ZMIZ1: variants seen among roughly 807,000 people sequenced by gnomAD.
ZMIZ1 encodes zinc finger MIZ domain-containing protein 1.
Under a neutral mutation model 113.9 loss-of-function variants are expected in ZMIZ1, and 17 were observed. That is an observed-to-expected ratio of 0.15 (90% CI 0.10 to 0.22). ZMIZ1 has a LOEUF of 0.22. Ranked by LOEUF, ZMIZ1 falls within the 10% of genes least tolerant of loss-of-function variation. The pLI is 1.00. For synonymous variants in ZMIZ1, 607 were observed against 603.1 expected (o/e 1.01, Z -0.09); for missense variants, 1,059 against 1,477.8 (o/e 0.72, Z 4.65).
chr10:79,302,818 C>G (rs1040015366), intron 18 of ZMIZ1, among the ~76,000 whole-genome samples: 2 of 149,750 alleles, frequency 1.3e-5, no homozygotes, highest in African/African-American at 4.9e-5. Context: ...CTCAGCCTCC[C>G]AAGGAGTTGG....
chr10:79,178,809 G>C (rs1334683269), intron 4 of ZMIZ1, among the ~76,000 whole-genome samples: 1 of 152,168 alleles, frequency 6.6e-6, no homozygotes, highest in Non-Finnish European at 1.5e-5. Context: ...GGTTTTCTGC[G>C]TGAGTGCTTT....
intron 7 of ZMIZ1, 39 bp from the exon 8 acceptor site, chr10:79,277,142 A>T (rs1852346784): frequency 6.8e-7 from 1 of 1,466,978 alleles, no homozygotes; most frequent in Admixed American, 2.6e-5. Flanking sequence ...GCAGAGCATG[A>T]TGAACAAGCA....
intron 8 of ZMIZ1, among the ~76,000 whole-genome samples, chr10:79,283,392 G>A (rs1852862544): frequency 6.6e-6 from 1 of 152,208 alleles, no homozygotes; most frequent in African/African-American, 2.4e-5. Context: ...TGACAACAGT[G>A]GCAGGAGTGG....
chr10:79,100,396 A>G (rs1042094324), intron 1 of ZMIZ1, among the ~76,000 whole-genome samples: 42 of 150,310 alleles, frequency 2.8e-4, no homozygotes, highest in Non-Finnish European at 4.9e-4. Context: ...GCTAGAGCCC[A>G]GGAATTCAAG....
intron 7 of ZMIZ1, among the ~76,000 whole-genome samples, chr10:79,234,071 C>A (rs992748322): frequency 3.3e-5 from 5 of 152,190 alleles, no homozygotes; most frequent in African/African-American, 1.2e-4. Context: ...GAATGCCAAT[C>A]TAAGGAGCTT....
At chr10:79,241,323 T>C (rs1398617778) in intron 7 of ZMIZ1, among the ~76,000 whole-genome samples, 4 of 152,172 alleles carry the variant, frequency 2.6e-5, no homozygotes, top group East Asian at 3.9e-4. Context: ...GAGTCTTCAC[T>C]GGACCCCTGC....
chr10:79,146,772 C>T (rs936657098), intron 3 of ZMIZ1, among the ~76,000 whole-genome samples: 1 of 152,206 alleles, frequency 6.6e-6, no homozygotes, highest in African/African-American at 2.4e-5. Context: ...CCCGACTCTG[C>T]TGGGCTTCCC....
chr10:79,183,584 G>T (rs1200087687), intron 4 of ZMIZ1, among the ~76,000 whole-genome samples: 1 of 152,198 alleles, frequency 6.6e-6, no homozygotes, highest in African/African-American at 2.4e-5. Flanking sequence ...GTGTTACATG[G>T]GTTACGAGCG....
intron 1 of ZMIZ1, among the ~76,000 whole-genome samples, chr10:79,094,725 G>C (rs1016648324): frequency 2.1e-4 from 32 of 152,210 alleles, no homozygotes; most frequent in Non-Finnish European, 8.8e-5. Context: ...AAGGTGAGCG[G>C]ATCGCTTGAG....
chr10:79,225,017 T>G (rs1160371156), intron 7 of ZMIZ1, among the ~76,000 whole-genome samples: 1 of 152,152 alleles, frequency 6.6e-6, no homozygotes. Flanking sequence ...GAGGAGGCAT[T>G]TCTCCACCAT....
chr10:79,159,895 G>A (rs564711331), intron 3 of ZMIZ1, among the ~76,000 whole-genome samples: 1 of 152,246 alleles, frequency 6.6e-6, no homozygotes, highest in East Asian at 1.9e-4. Context: ...CTGGGGCAGT[G>A]AGGTACGTGT....
intron 12 of ZMIZ1, chr10:79,293,890 G>A: frequency 3.1e-6 from 2 of 638,552 alleles, no homozygotes; most frequent in Non-Finnish European, 5.4e-6. Flanking sequence ...ACTTGAGGAG[G>A]TGTCCGTGAA....
chr10:79,134,055 G>T (rs1047754799), intron 2 of ZMIZ1, among the ~76,000 whole-genome samples: 13 of 152,184 alleles, frequency 8.5e-5, no homozygotes, highest in Non-Finnish European at 1.6e-4. Flanking sequence ...CACACAGGAT[G>T]GCCCTCTCTC....
intron 7 of ZMIZ1, among the ~76,000 whole-genome samples, chr10:79,258,429 T>C (rs1423801185): frequency 6.6e-6 from 1 of 152,122 alleles, no homozygotes; most frequent in African/African-American, 2.4e-5. Flanking sequence ...AATAGTTAAA[T>C]GGAATTTAAA....
chr10:79,284,692 C>T (rs1286586384), intron 8 of ZMIZ1, among the ~76,000 whole-genome samples: 1 of 152,154 alleles, frequency 6.6e-6, no homozygotes, highest in East Asian at 1.9e-4. Context: ...TTGAGGCTGA[C>T]TGAAAGTAAC....
intron 4 of ZMIZ1, among the ~76,000 whole-genome samples, chr10:79,199,693 A>G (rs1188759432): frequency 6.6e-6 from 1 of 152,212 alleles, no homozygotes; most frequent in Non-Finnish European, 1.5e-5. Context: ...AGGGGGACTG[A>G]TGGCACTGGT....
chr10:79,189,693 A>G (rs766602396), intron 4 of ZMIZ1, among the ~76,000 whole-genome samples: 22 of 152,206 alleles, frequency 1.4e-4, no homozygotes, highest in Non-Finnish European at 3.2e-4. Context: ...TGAGGTTATA[A>G]CACCAAAGTG....
chr10:79,183,355 C>CGT (rs779144142), intron 4 of ZMIZ1, among the ~76,000 whole-genome samples: 28 of 80,056 alleles, frequency 3.5e-4, no homozygotes, highest in Admixed American at 8.0e-4. Flanking sequence ...GGCTCGTGCA[C>CGT]GCGCACACAC....
At chr10:79,097,836 C>G (rs1484805336) in intron 1 of ZMIZ1, among the ~76,000 whole-genome samples, 2 of 152,114 alleles carry the variant, frequency 1.3e-5, no homozygotes, top group African/African-American at 2.4e-5. Context: ...AACTGCACCC[C>G]CCCACCCAAC....
Sources: gnomAD v4.1 joint callset for allele counts (sites outside exome capture counted in the v4.1 genomes callset) on GRCh38, gnomAD v4.1.1 for gene constraint, MANE v1.5 for transcripts, NCBI Gene and HGNC (gene_info 2026-07-23, HGNC 2026-07-21) for gene names.